Variants in ZNF35 observed in about 807,000 individuals in gnomAD.
ZNF35 encodes zinc finger protein 35.
Under a neutral mutation model 45.9 loss-of-function variants are expected in ZNF35, and 31 were observed. The ratio of observed to expected loss-of-function variants is 0.68; its 90% CI spans 0.51 to 0.91. ZNF35 has a LOEUF of 0.91. Among genes scored for constraint, ZNF35 ranks in the 40% least tolerant of loss-of-function variants. The pLI is 0.00. For synonymous variants in ZNF35, 205 were observed against 220.2 expected, an observed-to-expected ratio of 0.93 and a Z score of 0.61; for missense variants, 515 against 625.4, an observed-to-expected ratio of 0.82 and a Z score of 1.88.
intron 1 of ZNF35, among the ~76,000 whole-genome samples, chr3:44,650,206 G>T (rs1243524937): frequency 6.6e-6 from 1 of 152,056 alleles, no homozygotes; most frequent in East Asian, 1.9e-4. Flanking sequence ...TTTAAAATAA[G>T]CATGAAGAAT....
rs1293455607 is a variant in ZNF35, at chr3:44,649,488, TAGAA to T, written c.-128+660_-128+663del. Among the ~76,000 whole-genome samples the T allele has an allele frequency of 5.9e-5, 9 of 152,198 alleles. 1 individual carries two copies. Among genetic ancestry groups the T allele is most frequent in the East Asian group, 1.9e-4 (1 of 5,206 alleles). ...TTCCAATAAAACATTCAAAGGGGGT[TAGAA>T]AGAAAAATTTCAATCTCTTCATAAG... On this transcript the variant is annotated intron_variant, in intron 1 of 3. Coordinates refer to ENST00000396056, the MANE Select transcript of ZNF35 (RefSeq NM_003420.4).
In ZNF35 at chr3:44,651,181, G is replaced by A; in HGVS notation, c.114G>A (p.Val38=). The A allele has an allele frequency of 1.2e-6, 2 of 1,614,162 alleles. No homozygotes were observed. Among genetic ancestry groups the A allele is most frequent in the Non-Finnish European group, 1.7e-6 (2 of 1,180,026 alleles). ...NFPGQASSQQ[V]HSENIKVWAP... ...CAGGTCAGGCATCCAGCCAACAAGT[G>A]CACTCCGAGAACATCAAAGTCTGGG... The change falls in exon 2 of 4, where the codon GTG becomes GTA. Residue 38 remains valine, a synonymous_variant. Coordinates refer to ENST00000396056, the MANE Select transcript of ZNF35 (RefSeq NM_003420.4).
In ZNF35 at chr3:44,659,965, G is replaced by A. The variant is rs1168227330; in HGVS notation, c.*18G>A. ...TTGAATAACAAGTAAGGAAGAGGAA[G>A]ACCTCCAGCATTGGTCATAACCTTC... On this transcript the variant is annotated 3_prime_UTR_variant, in exon 4 of 4. Transcript: ENST00000396056. This position sits in a 1 kb window ranked among gnomAD's most constrained non-coding sequence, Gnocchi z 4.3. The A allele has an allele frequency of 1.3e-6, 2 of 1,526,976 alleles. No homozygotes were observed. Among genetic ancestry groups the A allele is most frequent in the African/African-American group, 2.8e-5 (2 of 72,072 alleles). The allele number at this position is 1,526,976 out of a possible 1,614,324, so 94.6% of individuals were successfully genotyped here.
chr3:44,660,137 C>T lies in ZNF35; in HGVS notation c.*190C>T. The T allele has an allele frequency of 1.8e-6, 1 of 546,778 alleles. No individual in the cohort carries two copies. 33.9% of individuals were successfully genotyped at this position (546,778 alleles called of 1,614,324 possible). A position where few individuals can be genotyped will look rare whatever the true frequency, so the allele number is the denominator to read the frequency against. Reference sequence around the variant, plus strand: ...GCTAATTTAAAACAAAAAGTAAGCACCTAAAGGCAAGGACTTTGTTTTAAC... The same window carrying T: ...GCTAATTTAAAACAAAAAGTAAGCATCTAAAGGCAAGGACTTTGTTTTAAC... On this transcript the variant is annotated 3_prime_UTR_variant, in exon 4 of 4. Transcript: ENST00000396056.
At position 44,660,140 on chromosome 3, in the gene ZNF35, A is replaced by C. The variant is rs1703375870; in HGVS notation, c.*193A>C. ...AATTTAAAACAAAAAGTAAGCACCT[A>C]AAGGCAAGGACTTTGTTTTAACTGT... On this transcript the variant is annotated 3_prime_UTR_variant, in exon 4 of 4. Coordinates refer to ENST00000396056, the MANE Select transcript of ZNF35 (RefSeq NM_003420.4). 1 of 530,052 alleles carries C rather than the reference A, an allele frequency of 1.9e-6. No homozygotes were observed. The highest frequency in any genetic ancestry group is 3.8e-5 in the Admixed American group (1 of 26,532). The allele number at this position is 530,052 out of a possible 1,614,324, so 32.8% of individuals were successfully genotyped here. A position where few individuals can be genotyped will look rare whatever the true frequency, so the allele number is the denominator to read the frequency against.
Position 44,651,245 on chromosome 3 carries a change from G to A in ZNF35, c.178G>A (p.Glu60Lys). ...TCTTCAGACAGGCCTTGATGGATCA[G>A]AAGAGGAAGAAAAGGTAAACGGGGG... is the stretch of plus-strand genomic sequence containing the variant. ...QGLQTGLDGS[E>K]EEEKGQNISW... Residue 60 changes from glutamate (E) to lysine (K), a missense_variant, in exon 2 of 4, where the codon GAA becomes AAA. This residue lies in a region of ZNF35 where 275 missense variants were observed against 295.7 expected (regional missense o/e 0.93). Coordinates refer to ENST00000396056, the MANE Select transcript of ZNF35 (RefSeq NM_003420.4). 6.2e-7 allele frequency: 1 copy of A among 1,612,384 alleles called. No homozygotes were observed. The highest frequency in any genetic ancestry group is 8.5e-7 in the Non-Finnish European group (1 of 1,179,484).
chr3:44,658,783 AAG>A lies in ZNF35; in HGVS notation c.422_423del (p.Arg141AsnfsTer5), dbSNP rs751716671. ...EAEKPLIISE[R>X]IQKADPQGPE... ...CTGAAAAACCCCTCATCATATCAGAAAGAATCCAGAAAGCTGATCCTCAAGGA... is the reference window on the plus strand; with the variant it reads ...CTGAAAAACCCCTCATCATATCAGAAAATCCAGAAAGCTGATCCTCAAGGA... On this transcript the variant is annotated frameshift_variant, in exon 4 of 4. Transcript: ENST00000396056. LOFTEE classifies it high-confidence loss of function. 2 of 1,608,718 alleles carry A rather than the reference AAG, an allele frequency of 1.2e-6. No individual in the cohort carries two copies. The highest frequency in any genetic ancestry group is 3.4e-5 in the Admixed American group (2 of 58,572).
In ZNF35 at chr3:44,659,164, G is replaced by A. The variant is rs1408269675; in HGVS notation, c.801G>A (p.Val267=). 2 of 1,614,064 alleles carry A rather than the reference G, an allele frequency of 1.2e-6. No individual in the cohort carries two copies. The highest frequency in any genetic ancestry group is 8.5e-7 in the Non-Finnish European group (1 of 1,180,020). The change falls in exon 4 of 4, where the codon GTG becomes GTA. Residue 267 remains valine, a synonymous_variant. Transcript: ENST00000396056. This position sits in a 1 kb window ranked among gnomAD's most constrained non-coding sequence, Gnocchi z 4.3. ...KAFIQSANLV[V]HQRIHTGQKP... ...TCATTCAGAGTGCAAACCTCGTTGTGCATCAGAGAATCCACACTGGACAGA... is the reference window on the plus strand; with the variant it reads ...TCATTCAGAGTGCAAACCTCGTTGTACATCAGAGAATCCACACTGGACAGA...
At position 44,659,458 on chromosome 3, in the gene ZNF35, C is replaced by T. The variant is rs184174588; in HGVS notation, c.1095C>T (p.Asn365=). The stretch of plus-strand genomic sequence containing the variant: ...CTGGGGAGAAGCCCTTTGCCTGTAA[C>T]GACTGTGGCAAAGCCTTTACCCAGA... ...IHTGEKPFAC[N]DCGKAFTQSA... The change falls in exon 4 of 4, where the codon AAC becomes AAT. Residue 365 remains asparagine (N), a synonymous_variant. Coordinates refer to ENST00000396056, the MANE Select transcript of ZNF35 (RefSeq NM_003420.4). This position sits in a 1 kb window ranked among gnomAD's most constrained non-coding sequence, Gnocchi z 4.3. The T allele has an allele frequency of 4.3e-6, 7 of 1,609,730 alleles. No homozygotes were observed. The highest frequency in any genetic ancestry group is 2.2e-5 in the South Asian group (2 of 90,788).
chr3:44,652,424 G>T, intron 2 of ZNF35, 133 bp from the exon 3 acceptor site: 1 of 958,290 alleles, frequency 1.0e-6, no homozygotes, highest in Non-Finnish European at 1.5e-6. Context: ...AGGAGACTCT[G>T]GCTTCCTTTT....
intron 3 of ZNF35, among the ~76,000 whole-genome samples, chr3:44,657,906 T>C (rs1703337400): frequency 6.6e-6 from 1 of 152,198 alleles, no homozygotes; most frequent in Non-Finnish European, 1.5e-5. Context: ...CCAGGCAATA[T>C]CTGAGTAGTT....
In ZNF35 at chr3:44,651,167, T is replaced by A. The variant is rs200692779; in HGVS notation, c.100T>A (p.Ser34Thr). Reference protein sequence around the residue: ...EEEENFPGQASSQQVHSENIK... With the variant: ...EEEENFPGQATSQQVHSENIK... ...AGAAGAAAACTTCCCAGGTCAGGCATCCAGCCAACAAGTGCACTCCGAGAA... is the reference window on the plus strand; with the variant it reads ...AGAAGAAAACTTCCCAGGTCAGGCAACCAGCCAACAAGTGCACTCCGAGAA... Residue 34 changes from serine to threonine, a missense_variant, in exon 2 of 4, where the codon TCC becomes ACC. Physicochemically the swap from Ser to Thr is moderately conservative, Grantham distance 58. Around this residue, in one of 3 missense-constraint regions of ZNF35, gnomAD observed 275 missense variants for 295.7 expected, o/e 0.93. Transcript: ENST00000396056. 6.2e-7 allele frequency: 1 copy of A among 1,614,054 alleles called. No homozygotes were observed. Among genetic ancestry groups the A allele is most frequent in the Non-Finnish European group, 8.5e-7 (1 of 1,180,002 alleles).
In ZNF35 at chr3:44,648,744, T is replaced by G. The variant is rs1290643711; in HGVS notation, c.-218T>G. On this transcript the variant is annotated 5_prime_UTR_variant, in exon 1 of 4. In the 5' UTR this introduces an upstream ATG that the reference lacks. Coordinates refer to ENST00000396056, the MANE Select transcript of ZNF35 (RefSeq NM_003420.4). ...CCCGAGGCACTTCCTGTCCGGTCAT[T>G]GTTCTCGTGCCGGTAGAAGCTGAAG... 1 of 152,252 alleles carries G rather than the reference T, an allele frequency of 6.6e-6. No homozygotes were observed. Among genetic ancestry groups the G allele is most frequent in the African/African-American group, 2.4e-5 (1 of 41,456 alleles). The allele number at this position is 152,252 out of a possible 1,614,324, so 9.4% of individuals were successfully genotyped here.
chr3:44,658,119 G>A (rs375520969), intron 3 of ZNF35, among the ~76,000 whole-genome samples: 17 of 152,252 alleles, frequency 1.1e-4, no homozygotes, highest in South Asian at 8.3e-4. Context: ...GCAGGACCTC[G>A]CAGTGTTTCA....
chr3:44,651,889 ACT>A (rs1204292636), intron 2 of ZNF35, among the ~76,000 whole-genome samples: 1 of 151,906 alleles, frequency 6.6e-6, no homozygotes, highest in Admixed American at 6.6e-5. Flanking sequence ...TTTTTTTAAA[ACT>A]CTTCAGGTAA....
intron 1 of ZNF35, among the ~76,000 whole-genome samples, chr3:44,649,994 G>A (rs1040629988): frequency 4.6e-5 from 7 of 152,142 alleles, no homozygotes; most frequent in African/African-American, 1.7e-4. Flanking sequence ...TAAGCAATAT[G>A]TGTGAAGGTG....
At chr3:44,655,415 TA>T (rs35965367) in intron 3 of ZNF35, among the ~76,000 whole-genome samples, 318 of 145,626 alleles carry the variant, frequency 2.2e-3, no homozygotes, top group Admixed American at 3.0e-3. Flanking sequence ...CAGCTATCTT[TA>T]AAAAAAAAAA....
chr3:44,650,841 C>G (rs71325030), intron 1 of ZNF35, 100 bp from the exon 2 acceptor site: 1 of 471,314 alleles, frequency 2.1e-6, no homozygotes, highest in South Asian at 3.7e-5. Context: ...GGCCCCTGGC[C>G]AGGCGCTGGT....
At chr3:44,652,770 G>C in intron 3 of ZNF35, 69 bp downstream of exon 3, 1 of 1,456,000 alleles carries the variant, frequency 6.9e-7, no homozygotes, top group Non-Finnish European at 9.1e-7. Context: ...GAGACTGGTG[G>C]GCATCCAGTC....
Sources: allele counts gnomAD v4.1 joint callset (sites outside exome capture counted in the v4.1 genomes callset), GRCh38; gene constraint gnomAD v4.1.1; regional missense constraint gnomAD v4.1.1; non-coding constraint Gnocchi (gnomAD v3.1); transcripts MANE v1.5; gene names NCBI Gene and HGNC (gene_info 2026-07-23, HGNC 2026-07-21).